SENP2: variants seen among roughly 807,000 people sequenced by gnomAD.
The protein encoded by SENP2 is SUMO specific peptidase 2.
In SENP2, 16 loss-of-function variants were observed where a neutral mutation model predicts 86.3. The ratio of observed to expected loss-of-function variants is 0.19; its 90% CI spans 0.13 to 0.28. SENP2 has a LOEUF of 0.28. Among genes scored for constraint, SENP2 ranks in the 10% least tolerant of loss-of-function variants. The pLI is 1.00. For synonymous variants in SENP2, 222 were observed against 238.7 expected, an observed-to-expected ratio of 0.93 and a Z score of 0.64; for missense variants, 552 against 703.0, an observed-to-expected ratio of 0.79 and a Z score of 2.43.
intron 5 of SENP2, among the ~76,000 whole-genome samples, chr3:185,605,902 G>A (rs1722495460): frequency 6.6e-6 from 1 of 152,210 alleles, no homozygotes; most frequent in African/African-American, 2.4e-5. Context: ...TAAGATAACA[G>A]TGGTGAAAGG....
intron 16 of SENP2, 55 bp downstream of exon 16, chr3:185,626,448 T>C: frequency 8.3e-7 from 1 of 1,211,008 alleles, no homozygotes; most frequent in Non-Finnish European, 1.2e-6. Flanking sequence ...ATAAGGCACT[T>C]GGCCAGTGCC....
At chr3:185,606,986 CT>C (rs10715399) in intron 6 of SENP2, 85,376 of 220,446 alleles carry the variant, frequency 0.39, 11,421 homozygotes, top group South Asian at 0.48. Context: ...TTCTTTTTTC[CT>C]TTTTTTTTTT....
At chr3:185,589,070 A>G (rs1721894138) in intron 1 of SENP2, among the ~76,000 whole-genome samples, 1 of 151,654 alleles carries the variant, frequency 6.6e-6, no homozygotes, top group African/African-American at 2.4e-5. Flanking sequence ...ATCTCATTCT[A>G]TTCATTTTTT....
At chr3:185,596,181 C>T (rs1722167155) in intron 2 of SENP2, among the ~76,000 whole-genome samples, 1 of 151,998 alleles carries the variant, frequency 6.6e-6, no homozygotes, top group African/African-American at 2.4e-5. Flanking sequence ...TCAGGCTGGT[C>T]TTGAACTCCT....
intron 2 of SENP2, among the ~76,000 whole-genome samples, chr3:185,598,157 C>A (rs965025162): frequency 6.6e-6 from 1 of 151,706 alleles, no homozygotes; most frequent in African/African-American, 2.4e-5. Flanking sequence ...GGACTACAGG[C>A]GTGTGATACC....
In SENP2 at chr3:185,630,401, G is replaced by A. The variant is rs1560204716; in HGVS notation, c.*557G>A. 1 of 152,812 alleles carries A rather than the reference G, an allele frequency of 6.5e-6. No homozygotes were observed. Among genetic ancestry groups the A allele is most frequent in the African/African-American group, 2.4e-5 (1 of 41,460 alleles). 9.5% of individuals were successfully genotyped at this position (152,812 alleles called of 1,614,324 possible). ...CAGTAACTGCCAACATGAAGCTGGA[G>A]GGTTTGGGATTTTTTTTGTTTTTGT... is the stretch of plus-strand genomic sequence containing the variant. On this transcript the variant is annotated 3_prime_UTR_variant, in exon 17 of 17. Coordinates refer to ENST00000296257, the MANE Select transcript of SENP2 (RefSeq NM_021627.3).
chr3:185,603,100 TG>T (rs1178025703), intron 5 of SENP2, among the ~76,000 whole-genome samples: 2 of 151,176 alleles, frequency 1.3e-5, no homozygotes, highest in African/African-American at 4.9e-5. Context: ...TTGGTAGAGA[TG>T]GGGTTTCACT....
intron 15 of SENP2, among the ~76,000 whole-genome samples, chr3:185,624,692 A>G (rs895049730): frequency 3.3e-5 from 5 of 151,986 alleles, no homozygotes; most frequent in African/African-American, 1.2e-4. Context: ...CCTGGCCAAC[A>G]TGACAAAACC....
intron 5 of SENP2, among the ~76,000 whole-genome samples, chr3:185,601,373 T>C (rs1394933039): frequency 2.0e-5 from 3 of 152,138 alleles, no homozygotes; most frequent in Non-Finnish European, 4.4e-5. Context: ...TATATGCCCA[T>C]AGCATCTGAT....
chr3:185,627,326 A>G (rs753796593), intron 16 of SENP2, among the ~76,000 whole-genome samples: 11 of 152,186 alleles, frequency 7.2e-5, no homozygotes, highest in Non-Finnish European at 1.5e-4. Flanking sequence ...CAAGGGAAAA[A>G]TCGGCCTGTG....
In SENP2 at chr3:185,588,637, G is replaced by A. The variant is rs1161193827; in HGVS notation, c.102-1477G>A. 2.6e-5 allele frequency among the ~76,000 whole-genome samples: 4 copies of A among 152,178 alleles called. No homozygotes were observed. The East Asian group carries it at 7.7e-4, about 29-fold the overall frequency. On this transcript the variant is annotated intron_variant, in intron 1 of 16. Coordinates refer to ENST00000296257, the MANE Select transcript of SENP2 (RefSeq NM_021627.3). Reference sequence around the variant, plus strand: ...GATTGGTTGTTGGCTAAATTGCATCGTGTGTTCCAGAGATACATGGTTTTG... The same window carrying A: ...GATTGGTTGTTGGCTAAATTGCATCATGTGTTCCAGAGATACATGGTTTTG...
Position 185,632,249 on chromosome 3 carries a change from T to TG in SENP2, c.*2405_*2406insG, listed in dbSNP as rs1712516912. The TG allele has an allele frequency of 4.0e-5, 5 of 126,522 alleles. No individual in the cohort carries two copies. Among genetic ancestry groups the TG allele is most frequent in the Non-Finnish European group, 8.5e-5 (5 of 59,126 alleles). The allele number at this position is 126,522 out of a possible 1,614,324, so 7.8% of individuals were successfully genotyped here. A position where few individuals can be genotyped will look rare whatever the true frequency, so the allele number is the denominator to read the frequency against. On this transcript the variant is annotated 3_prime_UTR_variant, in exon 17 of 17. Transcript: ENST00000296257. Reference sequence around the variant, plus strand: ...GTTTTTTTTTTTTGTTTTTTTTTTTTTTTTTTGCGACAGAGTCTCTTGTCG... The same window carrying TG: ...GTTTTTTTTTTTTGTTTTTTTTTTTTGTTTTTTGCGACAGAGTCTCTTGTCG...
intron 15 of SENP2, among the ~76,000 whole-genome samples, chr3:185,624,986 T>C (rs1239547796): frequency 6.6e-6 from 1 of 152,184 alleles, no homozygotes; most frequent in Admixed American, 6.5e-5. Context: ...GGAAATGGAA[T>C]AAAGAAAACA....
At chr3:185,626,264 C>T (rs760094828) in intron 15 of SENP2, 34 bp from the exon 16 acceptor site, 65 of 1,360,238 alleles carry the variant, frequency 4.8e-5, no homozygotes, top group Non-Finnish European at 6.3e-5. Flanking sequence ...GATGTTTTAC[C>T]CTTTCCTCTC....
intron 1 of SENP2, among the ~76,000 whole-genome samples, chr3:185,588,520 A>C (rs373183850): frequency 4.6e-5 from 7 of 152,214 alleles, no homozygotes; most frequent in East Asian, 3.9e-4. Context: ...TTAAGCCTCA[A>C]TATCAAGAAA....
chr3:185,620,511 C>T (rs1382654750), intron 13 of SENP2, among the ~76,000 whole-genome samples: 1 of 152,056 alleles, frequency 6.6e-6, no homozygotes, highest in African/African-American at 2.4e-5. Context: ...GGCACGATCT[C>T]GGCTCACTGC....
intron 7 of SENP2, among the ~76,000 whole-genome samples, chr3:185,609,715 C>G (rs1009863536): frequency 6.6e-6 from 1 of 151,838 alleles, no homozygotes; most frequent in Non-Finnish European, 1.5e-5. Context: ...TCCTGCCCCT[C>G]TCTCCATTTC....
In SENP2 at chr3:185,632,230, T is replaced by TG. The variant is rs1712512260; in HGVS notation, c.*2386_*2387insG. On this transcript the variant is annotated 3_prime_UTR_variant, in exon 17 of 17. Coordinates refer to ENST00000296257, the MANE Select transcript of SENP2 (RefSeq NM_021627.3). The stretch of plus-strand genomic sequence containing the variant: ...AGCCAGTGGTTTTTTTTTTGTTTTT[T>TG]TTTTTTGTTTTTTTTTTTTTTTTTT... 9.0e-6 allele frequency: 1 copy of TG among 111,442 alleles called. No homozygotes were observed. Among genetic ancestry groups the TG allele is most frequent in the Non-Finnish European group, 1.9e-5 (1 of 53,302 alleles). 6.9% of individuals were successfully genotyped at this position (111,442 alleles called of 1,614,324 possible).
intron 13 of SENP2, among the ~76,000 whole-genome samples, 163 bp from the exon 14 acceptor site, chr3:185,621,663 C>T (rs1711895724): frequency 6.6e-6 from 1 of 152,044 alleles, no homozygotes; most frequent in Admixed American, 6.6e-5. Context: ...GCTGGGATTA[C>T]AGGTGTGAGC....
Sources: allele counts gnomAD v4.1 joint callset (sites outside exome capture counted in the v4.1 genomes callset), GRCh38; gene constraint gnomAD v4.1.1; transcripts MANE v1.5; gene names NCBI Gene and HGNC (gene_info 2026-07-23, HGNC 2026-07-21).